The following MCTP1 variants were observed in gnomAD, a reference collection of about 807,000 sequenced individuals.
MCTP1 encodes the protein multiple C2 and transmembrane domain containing 1.
Under a neutral mutation model 120.6 loss-of-function variants are expected in MCTP1, and 69 were observed. That is an observed-to-expected ratio of 0.57 (90% CI 0.47 to 0.70). MCTP1 has a LOEUF of 0.70. Among genes scored for constraint, MCTP1 ranks in the 30% least tolerant of loss-of-function variants. The pLI is 0.00. For synonymous variants in MCTP1, 529 were observed against 493.1 expected, an observed-to-expected ratio of 1.07 and a Z score of -0.96; for missense variants, 1,203 against 1,248.8, an observed-to-expected ratio of 0.96 and a Z score of 0.55.
At chr5:95,240,237 A>T (rs2152677147) in intron 1 of MCTP1, among the ~76,000 whole-genome samples, 1 of 152,362 alleles carries the variant, frequency 6.6e-6, no homozygotes, top group South Asian at 2.1e-4. Context: ...AAAATAACAT[A>T]AGGCTATTTT....
intron 12 of MCTP1, among the ~76,000 whole-genome samples, chr5:94,886,893 A>ATG (rs1801477847): frequency 6.6e-6 from 1 of 152,054 alleles, no homozygotes; most frequent in Non-Finnish European, 1.5e-5. Context: ...GTGTATATAT[A>ATG]AAGTATCCTT....
intron 17 of MCTP1, among the ~76,000 whole-genome samples, chr5:94,829,303 G>A (rs756636318): frequency 9.9e-5 from 15 of 152,066 alleles, no homozygotes; most frequent in Admixed American, 3.3e-4. Context: ...TTCACCCACC[G>A]TCTAACAAGT....
intron 1 of MCTP1, among the ~76,000 whole-genome samples, chr5:95,163,798 T>C (rs1488889781): frequency 6.6e-6 from 1 of 152,200 alleles, no homozygotes; most frequent in Non-Finnish European, 1.5e-5. Flanking sequence ...TGGGACATAT[T>C]TGTAACTTTT....
At chr5:95,259,694 G>A (rs958973138) in intron 1 of MCTP1, among the ~76,000 whole-genome samples, 4 of 152,256 alleles carry the variant, frequency 2.6e-5, no homozygotes, top group South Asian at 2.1e-4. Flanking sequence ...ACTTAGAGGT[G>A]GCCATTAATT....
intron 17 of MCTP1, among the ~76,000 whole-genome samples, chr5:94,813,055 A>G (rs962433668): frequency 6.6e-6 from 1 of 152,210 alleles, no homozygotes; most frequent in Non-Finnish European, 1.5e-5. Context: ...CCACACATCG[A>G]GAGAAAATAA....
chr5:94,865,330 G>A (rs1796602010), intron 17 of MCTP1, among the ~76,000 whole-genome samples: 1 of 151,714 alleles, frequency 6.6e-6, no homozygotes, highest in Non-Finnish European at 1.5e-5. Context: ...GGATAGTAAA[G>A]TAGAAAAGAA....
At chr5:94,921,800 A>G (rs905349454) in intron 7 of MCTP1, among the ~76,000 whole-genome samples, 1 of 152,256 alleles carries the variant, frequency 6.6e-6, no homozygotes, top group Non-Finnish European at 1.5e-5. Flanking sequence ...GGTGGCTAAC[A>G]TAGCTGCTGA....
intron 1 of MCTP1, among the ~76,000 whole-genome samples, chr5:95,262,606 A>G (rs1013693677): frequency 2.0e-5 from 3 of 152,220 alleles, no homozygotes; most frequent in Non-Finnish European, 4.4e-5. Flanking sequence ...TCTATTTGAG[A>G]AAGTGATTAT....
intron 9 of MCTP1, among the ~76,000 whole-genome samples, chr5:94,911,147 G>A (rs1213761844): frequency 3.3e-5 from 5 of 152,096 alleles, no homozygotes; most frequent in Non-Finnish European, 5.9e-5. Flanking sequence ...GGCTGGAAGG[G>A]ACCTAAGCAG....
chr5:95,139,626 G>C (rs1437638246), intron 1 of MCTP1, among the ~76,000 whole-genome samples: 1 of 152,112 alleles, frequency 6.6e-6, no homozygotes, highest in Non-Finnish European at 1.5e-5. Context: ...ACTCACCAAA[G>C]GTTAATTTCT....
intron 1 of MCTP1, among the ~76,000 whole-genome samples, chr5:95,050,103 T>A (rs1042353573): frequency 8.6e-4 from 130 of 151,654 alleles, no homozygotes; most frequent in Non-Finnish European, 1.2e-4. Flanking sequence ...GGGAAACATG[T>A]CCCATAGCTT....
intron 2 of MCTP1, 100 bp from the exon 3 acceptor site, chr5:94,953,461 T>G (rs1364652814): frequency 2.1e-6 from 2 of 958,886 alleles, no homozygotes; most frequent in Non-Finnish European, 2.9e-6. Flanking sequence ...GGAAGAAAAG[T>G]TAAATGAAAA....
At chr5:94,745,240 C>T (rs1247538061) in intron 19 of MCTP1, among the ~76,000 whole-genome samples, 2 of 152,156 alleles carry the variant, frequency 1.3e-5, no homozygotes, top group Admixed American at 1.3e-4. Context: ...AAACCTTTTC[C>T]CAAAATGGGT....
chr5:94,775,966 T>G lies in MCTP1; in HGVS notation c.2610+3144A>C, dbSNP rs182996473. Among the ~76,000 whole-genome samples, 175 of 106,852 alleles carry G rather than the reference T, an allele frequency of 1.6e-3. 2 individuals carry two copies. The highest frequency in any genetic ancestry group is 0.013 in the Admixed American group (160 of 12,068). The allele number at this position is 106,852 out of a possible 152,430, so 70.1% of individuals were successfully genotyped here. On this transcript the variant is annotated intron_variant, in intron 19 of 22. Coordinates refer to ENST00000515393, the MANE Select transcript of MCTP1 (RefSeq NM_024717.7). ...ATATATTATAGAAATATATTTATAT[T>G]ATATATATATATATATTTAAAAAGC...
intron 6 of MCTP1, among the ~76,000 whole-genome samples, chr5:94,930,530 T>A (rs1238622580): frequency 6.6e-6 from 1 of 152,064 alleles, no homozygotes; most frequent in African/African-American, 2.4e-5. Context: ...CACCTCGACC[T>A]CCCAAAGTGC....
At chr5:94,935,522 C>T (rs1379785949) in intron 5 of MCTP1, among the ~76,000 whole-genome samples, 1 of 151,930 alleles carries the variant, frequency 6.6e-6, no homozygotes, top group African/African-American at 2.4e-5. Context: ...TGTTCTATTT[C>T]CTATTTGATT....
intron 1 of MCTP1, among the ~76,000 whole-genome samples, chr5:95,203,568 G>A (rs1157625662): frequency 6.6e-6 from 1 of 152,220 alleles, no homozygotes; most frequent in East Asian, 1.9e-4. Context: ...GAAGAATAGG[G>A]ATTTCTTTCT....
chr5:94,867,480 T>A, intron 17 of MCTP1: 1 of 748,706 alleles, frequency 1.3e-6, no homozygotes, highest in Non-Finnish European at 2.3e-6. Flanking sequence ...ATTAAGGCTC[T>A]TCTTGTAAGC....
At chr5:95,031,658 G>A (rs1840323694) in intron 1 of MCTP1, among the ~76,000 whole-genome samples, 1 of 152,094 alleles carries the variant, frequency 6.6e-6, no homozygotes, top group Admixed American at 6.5e-5. Context: ...TGGAAAGAAA[G>A]AATGTTATAT....
Sources: gnomAD v4.1 joint callset for allele counts (sites outside exome capture counted in the v4.1 genomes callset) on GRCh38, gnomAD v4.1.1 for gene constraint, MANE v1.5 for transcripts, NCBI Gene and HGNC (gene_info 2026-07-23, HGNC 2026-07-21) for gene names.